Variants in NTNG1 observed in about 807,000 individuals in gnomAD.
NTNG1 encodes netrin G1.
In NTNG1, 16 loss-of-function variants were observed where a neutral mutation model predicts 54.0. The ratio of observed to expected loss-of-function variants is 0.30; its 90% CI spans 0.20 to 0.45. The LOEUF is 0.45. Ranked by LOEUF, NTNG1 falls within the 20% of genes least tolerant of loss-of-function variation. The pLI is 1.00. For synonymous variants in NTNG1, 255 were observed against 263.1 expected (o/e 0.97, Z 0.30); for missense variants, 530 against 678.7 (o/e 0.78, Z 2.43).
chr1:107,480,576 G>GGCCC, intron 7 of NTNG1, 35 bp from the exon 8 acceptor site: 1 of 339,098 alleles, frequency 2.9e-6, no homozygotes, highest in South Asian at 3.6e-5. Flanking sequence ...TCCTCCCCGC[G>GGCCC]CCCACCCACC....
In NTNG1 at chr1:107,324,772, A is replaced by G. The variant is rs1159887452; in HGVS notation, c.737A>G (p.Gln246Arg). ...RLRNMASLYG[Q>R]LDTTKKLRDF... is the part of the protein sequence containing the mutation. ...CGCAATATGGCTTCCCTCTACGGAC[A>G]GCTGGATACAACCAAGAAACTCAGA... The change falls in exon 3 of 8, where the codon CAG (glutamine) becomes CGG (arginine). Residue 246 changes from glutamine (Q) to arginine (R), a missense_variant. Around this residue, in one of 2 missense-constraint regions of NTNG1, gnomAD observed 318 missense variants for 465.1 expected, o/e 0.68. Coordinates refer to ENST00000370068, the MANE Select transcript of NTNG1 (RefSeq NM_001113226.3). 3 of 1,613,656 alleles carry G rather than the reference A, an allele frequency of 1.9e-6. No individual in the cohort carries two copies. The highest frequency in any genetic ancestry group is 2.5e-6 in the Non-Finnish European group (3 of 1,179,782).
At chr1:107,207,096 C>T (rs1659253565) in intron 2 of NTNG1, among the ~76,000 whole-genome samples, 1 of 152,008 alleles carries the variant, frequency 6.6e-6, no homozygotes, top group African/African-American at 2.4e-5. Context: ...TGAAAACATC[C>T]AATTACTTGG....
chr1:107,437,823 A>G (rs1675700825), intron 7 of NTNG1, among the ~76,000 whole-genome samples: 1 of 152,132 alleles, frequency 6.6e-6, no homozygotes, highest in Non-Finnish European at 1.5e-5. Context: ...TGTGCATTTT[A>G]TACTTGCAGA....
chr1:107,466,817 T>C (rs1472196118), intron 7 of NTNG1, among the ~76,000 whole-genome samples: 1 of 152,190 alleles, frequency 6.6e-6, no homozygotes, highest in African/African-American at 2.4e-5. Flanking sequence ...AGACTCTGAT[T>C]TTGGTTTAAG....
chr1:107,242,624 C>A (rs758554045), intron 2 of NTNG1, among the ~76,000 whole-genome samples: 23 of 152,264 alleles, frequency 1.5e-4, no homozygotes, highest in Middle Eastern at 3.4e-3. Context: ...GCTTTGGATT[C>A]ACTGTCATCC....
intron 7 of NTNG1, among the ~76,000 whole-genome samples, chr1:107,472,827 A>G (rs1418594768): frequency 2.6e-5 from 4 of 152,228 alleles, no homozygotes; most frequent in African/African-American, 7.2e-5. Flanking sequence ...ATAACAATCT[A>G]TAAAGTTTCT....
intron 7 of NTNG1, among the ~76,000 whole-genome samples, chr1:107,457,786 T>A (rs964205378): frequency 6.6e-6 from 1 of 152,170 alleles, no homozygotes; most frequent in Non-Finnish European, 1.5e-5. Context: ...TGCCTCCTAA[T>A]GTATTAGAAA....
rs748868899 is a variant in NTNG1 at position 107,436,735 on chromosome 1, T to G, written c.1326T>G (p.Thr442=). The part of the protein sequence containing the change: ...CNGSGFCECK[T]GTTGPKCDEC... ...GCTCAGGATTTTGTGAGTGTAAGAC[T>G]GGAACAACAGGGCCTAAGTGTGATG... is the stretch of plus-strand genomic sequence containing the variant. Residue 442 remains threonine, a synonymous_variant, in exon 7 of 8, where the codon ACT becomes ACG. Transcript: ENST00000370068. 1.2e-6 allele frequency: 2 copies of G among 1,613,380 alleles called. No individual in the cohort carries two copies. Among genetic ancestry groups the G allele is most frequent in the African/African-American group, 2.7e-5 (2 of 75,032 alleles).
intron 2 of NTNG1, among the ~76,000 whole-genome samples, chr1:107,178,572 T>C (rs1391262805): frequency 1.3e-5 from 2 of 152,098 alleles, no homozygotes; most frequent in Non-Finnish European, 2.9e-5. Flanking sequence ...AATTAACTTA[T>C]AAAGAAAAAG....
At chr1:107,371,026 G>T (rs571013040) in intron 3 of NTNG1, among the ~76,000 whole-genome samples, 1 of 152,138 alleles carries the variant, frequency 6.6e-6, no homozygotes, top group African/African-American at 2.4e-5. Flanking sequence ...GAAGTGGTGA[G>T]AATGAGCATC....
intron 2 of NTNG1, among the ~76,000 whole-genome samples, chr1:107,235,406 G>T (rs189595379): frequency 5.9e-5 from 9 of 152,124 alleles, no homozygotes; most frequent in African/African-American, 2.2e-4. Context: ...CAACCAAGCC[G>T]CTGGAGCCAC....
At chr1:107,353,789 A>T (rs1669773769) in intron 3 of NTNG1, among the ~76,000 whole-genome samples, 2 of 152,182 alleles carry the variant, frequency 1.3e-5, no homozygotes, top group African/African-American at 4.8e-5. Flanking sequence ...TTATGTTTCC[A>T]CAGGCTGTAC....
chr1:107,453,089 G>A (rs182627666), intron 7 of NTNG1, among the ~76,000 whole-genome samples: 2 of 152,298 alleles, frequency 1.3e-5, no homozygotes, highest in African/African-American at 4.8e-5. Context: ...TGAATGTTCA[G>A]TGACACTGAG....
At chr1:107,353,160 G>A (rs1669729077) in intron 3 of NTNG1, among the ~76,000 whole-genome samples, 1 of 151,980 alleles carries the variant, frequency 6.6e-6, no homozygotes, top group African/African-American at 2.4e-5. Flanking sequence ...CCTAAAAATG[G>A]GCTTTTCTTT....
At position 107,323,105 on chromosome 1, in the gene NTNG1, A is replaced by G. The variant is rs1232823376; in HGVS notation, c.247-1177A>G. Among the ~76,000 whole-genome samples, 14 of 126,668 alleles carry G rather than the reference A, an allele frequency of 1.1e-4. No homozygotes were observed. The South Asian group carries it at 1.3e-3, about 12-fold the overall frequency. 83.1% of individuals were successfully genotyped at this position (126,668 alleles called of 152,430 possible). A position where few individuals can be genotyped will look rare whatever the true frequency, so the allele number is the denominator to read the frequency against. On this transcript the variant is annotated intron_variant, in intron 2 of 7. Transcript: ENST00000370068. ...ATGATGAAAAGCTCACAGTATATGG[A>G]AAAAAAAAAAAAGGAAAGAAAGAAA...
intron 2 of NTNG1, among the ~76,000 whole-genome samples, chr1:107,231,727 C>T (rs986201987): frequency 2.0e-5 from 3 of 152,076 alleles, no homozygotes; most frequent in African/African-American, 7.2e-5. Context: ...AGGGCCAGTT[C>T]CCAGTATCTG....
intron 7 of NTNG1, among the ~76,000 whole-genome samples, chr1:107,448,922 T>C (rs1454744792): frequency 2.0e-5 from 3 of 152,066 alleles, no homozygotes; most frequent in African/African-American, 7.2e-5. Context: ...GTATATTGCA[T>C]TTGGTTATGA....
intron 2 of NTNG1, among the ~76,000 whole-genome samples, chr1:107,197,151 C>T (rs960898040): frequency 1.3e-5 from 2 of 151,966 alleles, no homozygotes; most frequent in Non-Finnish European, 2.9e-5. Flanking sequence ...ATCTGACCAA[C>T]CTACAGGGGG....
chr1:107,172,978 C>T (rs2101098583), intron 2 of NTNG1, among the ~76,000 whole-genome samples: 1 of 152,236 alleles, frequency 6.6e-6, no homozygotes. Context: ...AGAGAAATCA[C>T]CTCATTCAGA....
Sources: gnomAD v4.1 joint callset for allele counts (sites outside exome capture counted in the v4.1 genomes callset) on GRCh38, gnomAD v4.1.1 for gene constraint, gnomAD v4.1.1 regional missense constraint, MANE v1.5 for transcripts, NCBI Gene and HGNC (gene_info 2026-07-23, HGNC 2026-07-21) for gene names.